FAM184B: variants seen among roughly 807,000 people sequenced by gnomAD.
FAM184B encodes the protein family with sequence similarity 184 member B.
FAM184B carries 111 observed loss-of-function variants against 135.9 expected under a neutral mutation model. That is an observed-to-expected ratio of 0.82 (90% CI 0.70 to 0.96). The LOEUF (loss-of-function observed/expected upper bound fraction) is 0.96. Ranked by LOEUF, FAM184B falls within the 40% of genes least tolerant of loss-of-function variation. FAM184B has a pLI of 0.00. For synonymous variants in FAM184B, 552 were observed against 524.8 expected, an observed-to-expected ratio of 1.05 and a Z score of -0.71; for missense variants, 1,375 against 1,323.9, an observed-to-expected ratio of 1.04 and a Z score of -0.60.
intron 1 of FAM184B, among the ~76,000 whole-genome samples, chr4:17,773,163 G>A (rs1019356287): frequency 6.6e-6 from 1 of 152,116 alleles, no homozygotes; most frequent in South Asian, 2.1e-4. Context: ...ACACCCTCCC[G>A]GGTCTCAGAT....
intron 5 of FAM184B, among the ~76,000 whole-genome samples, chr4:17,700,190 T>A (rs1465331401): frequency 6.6e-6 from 1 of 152,146 alleles, no homozygotes; most frequent in Non-Finnish European, 1.5e-5. Flanking sequence ...GTACACTTAA[T>A]GATAATTACA....
At chr4:17,703,779 A>C (rs1302955810) in intron 5 of FAM184B, among the ~76,000 whole-genome samples, 3 of 151,962 alleles carry the variant, frequency 2.0e-5, no homozygotes, top group Non-Finnish European at 2.9e-5. Context: ...AAAAATACAA[A>C]AATTAGCTGG....
intron 1 of FAM184B, among the ~76,000 whole-genome samples, chr4:17,758,462 G>A (rs568788716): frequency 2.6e-5 from 4 of 152,350 alleles, no homozygotes; most frequent in African/African-American, 9.6e-5. Flanking sequence ...AGCAGCAGCT[G>A]TCTGCTGTTG....
rs1469461924 is a variant in FAM184B, at chr4:17,647,723, G to A, written c.2260C>T (p.Leu754=). The part of the protein sequence containing the change: ...CSGHQKDLEA[L]QAELRALGRQ... ...CCCAGAGCCCTCAGCTCGGCCTGCA[G>A]TGCCTCCAAGTCCTTCTGGTGCCCA... The change falls in exon 12 of 18, where the codon CTG becomes TTG. Residue 754 remains leucine (L), a synonymous_variant. Coordinates refer to ENST00000265018, the MANE Select transcript of FAM184B (RefSeq NM_015688.2). 4 of 1,550,958 alleles carry A rather than the reference G, an allele frequency of 2.6e-6. No homozygotes were observed. The highest frequency in any genetic ancestry group is 3.5e-6 in the Non-Finnish European group (4 of 1,147,006).
At chr4:17,719,933 C>G (rs528471768) in intron 1 of FAM184B, among the ~76,000 whole-genome samples, 1 of 152,182 alleles carries the variant, frequency 6.6e-6, no homozygotes, top group Non-Finnish European at 1.5e-5. Flanking sequence ...ATGAATCACT[C>G]CCTCTTCTTG....
At chr4:17,668,171 A>G (rs1198366268) in intron 7 of FAM184B, among the ~76,000 whole-genome samples, 4 of 152,120 alleles carry the variant, frequency 2.6e-5, no homozygotes, top group Non-Finnish European at 4.4e-5. Flanking sequence ...TTCGTTCTTG[A>G]TCTTCCTCAG....
chr4:17,734,169 C>T (rs1304293410), intron 1 of FAM184B, among the ~76,000 whole-genome samples: 1 of 152,128 alleles, frequency 6.6e-6, no homozygotes, highest in Non-Finnish European at 1.5e-5. Context: ...ACACCTTATA[C>T]AAAAATTAAT....
At chr4:17,685,319 G>A (rs1716554413) in intron 7 of FAM184B, among the ~76,000 whole-genome samples, 1 of 151,336 alleles carries the variant, frequency 6.6e-6, no homozygotes, top group Non-Finnish European at 1.5e-5. Flanking sequence ...GGGAGGCCGA[G>A]GCAGGCGGAT....
At chr4:17,770,696 C>A (rs527314234) in intron 1 of FAM184B, among the ~76,000 whole-genome samples, 3 of 152,280 alleles carry the variant, frequency 2.0e-5, no homozygotes, top group Admixed American at 2.0e-4. Flanking sequence ...GAACTCCTGA[C>A]CTCAGGTGAT....
At chr4:17,755,481 A>G (rs767078435) in intron 1 of FAM184B, among the ~76,000 whole-genome samples, 48 of 152,258 alleles carry the variant, frequency 3.2e-4, no homozygotes, top group Non-Finnish European at 5.1e-4. Context: ...TAGTTCAACC[A>G]TTGTGGAAGA....
At chr4:17,759,268 G>C (rs1718489534) in intron 1 of FAM184B, among the ~76,000 whole-genome samples, 1 of 152,146 alleles carries the variant, frequency 6.6e-6, no homozygotes. Context: ...GATAGTGAGT[G>C]AGTTCTCATG....
At chr4:17,664,530 G>A in intron 8 of FAM184B, 32 bp downstream of exon 8, 1 of 1,466,202 alleles carries the variant, frequency 6.8e-7, no homozygotes, top group Non-Finnish European at 9.3e-7. Context: ...TCATTCAATG[G>A]AGCACTCAGA....
intron 6 of FAM184B, among the ~76,000 whole-genome samples, chr4:17,692,263 G>A (rs1002052443): frequency 3.3e-5 from 5 of 152,086 alleles, no homozygotes; most frequent in Middle Eastern, 3.4e-3. Flanking sequence ...AAGGAGGAAG[G>A]ATAGAGAAAG....
At chr4:17,664,735 G>T in intron 7 of FAM184B, 76 bp from the exon 8 acceptor site, 1 of 1,244,116 alleles carries the variant, frequency 8.0e-7, no homozygotes, top group Non-Finnish European at 1.1e-6. Flanking sequence ...TTCAACCTGT[G>T]GCTTATTCAA....
intron 1 of FAM184B, among the ~76,000 whole-genome samples, chr4:17,723,552 T>C (rs1394811357): frequency 6.6e-6 from 1 of 152,118 alleles, no homozygotes; most frequent in Non-Finnish European, 1.5e-5. Flanking sequence ...ACATCAGAAA[T>C]GGAAGGGCCA....
intron 1 of FAM184B, among the ~76,000 whole-genome samples, chr4:17,779,249 C>G (rs952754811): frequency 2.0e-5 from 3 of 152,096 alleles, no homozygotes; most frequent in Non-Finnish European, 2.9e-5. Flanking sequence ...GTCAGAGACA[C>G]AACCAAAATA....
chr4:17,708,923 T>G lies in FAM184B; in HGVS notation c.863A>C (p.Lys288Thr). 6.5e-7 allele frequency: 1 copy of G among 1,535,592 alleles called. No individual in the cohort carries two copies. The highest frequency in any genetic ancestry group is 8.8e-7 in the Non-Finnish European group (1 of 1,138,528). ...HRGRKISDLK[K>T]YAQKLKERIQ... ...CCTCTCCTTCAGCTTCTGGGCGTAC[T>G]TCTTCAGGTCACTTATCTTGCGGCC... is the stretch of plus-strand genomic sequence containing the variant. The change falls in exon 2 of 18, where the codon AAG becomes ACG. Residue 288 changes from lysine to threonine, a missense_variant. By Grantham distance (78) the Lys-to-Thr change is moderately conservative. Coordinates refer to ENST00000265018, the MANE Select transcript of FAM184B (RefSeq NM_015688.2).
chr4:17,732,371 C>G (rs1370978011), intron 1 of FAM184B, among the ~76,000 whole-genome samples: 1 of 152,084 alleles, frequency 6.6e-6, no homozygotes, highest in Non-Finnish European at 1.5e-5. Context: ...CACAAAAAAC[C>G]CTTCAAAAAC....
At chr4:17,665,073 G>A (rs972904922) in intron 7 of FAM184B, among the ~76,000 whole-genome samples, 1 of 152,192 alleles carries the variant, frequency 6.6e-6, no homozygotes, top group Non-Finnish European at 1.5e-5. Context: ...CTCAGAGAGA[G>A]GTCCTTGTTT....
Sources: gnomAD v4.1 joint callset for allele counts (sites outside exome capture counted in the v4.1 genomes callset) on GRCh38, gnomAD v4.1.1 for gene constraint, MANE v1.5 for transcripts, NCBI Gene and HGNC (gene_info 2026-07-23, HGNC 2026-07-21) for gene names.